OR2A25: variants seen among roughly 807,000 people sequenced by gnomAD.
The protein encoded by OR2A25 is olfactory receptor 2A25.
For synonymous variants in OR2A25, 162 were observed against 148.1 expected (o/e 1.09, Z -0.68); for missense variants, 362 against 368.3 (o/e 0.98, Z 0.14).
rs1206024023 is a variant in OR2A25 at position 144,075,506 on chromosome 7, T to C, written c.*354T>C. The C allele has an allele frequency of 6.0e-6, 1 of 165,548 alleles. No homozygotes were observed. The allele number at this position is 165,548 out of a possible 1,614,324, so 10.3% of individuals were successfully genotyped here. A position where few individuals can be genotyped will look rare whatever the true frequency, so the allele number is the denominator to read the frequency against. ...GGATATGGGAGTTAGGAGAGACTGA[T>C]AACAAAGTCATTATTTAATTATTCT... is the stretch of plus-strand genomic sequence containing the variant. On this transcript the variant is annotated 3_prime_UTR_variant, in exon 2 of 2. Transcript: ENST00000641663.
Position 144,075,207 on chromosome 7 carries a change from G to A in OR2A25, c.*55G>A. Reference sequence around the variant, plus strand: ...TTCAAAGGGCTTTGAGATTACATCTGAACCCATCCCTACTCAGGATACATA... The same window carrying A: ...TTCAAAGGGCTTTGAGATTACATCTAAACCCATCCCTACTCAGGATACATA... On this transcript the variant is annotated 3_prime_UTR_variant, in exon 2 of 2. Transcript: ENST00000641663. 2 of 1,250,330 alleles carry A rather than the reference G, an allele frequency of 1.6e-6. No individual in the cohort carries two copies. Among genetic ancestry groups the A allele is most frequent in the Non-Finnish European group, 2.3e-6 (2 of 882,678 alleles). The allele number at this position is 1,250,330 out of a possible 1,614,324, so 77.5% of individuals were successfully genotyped here. A position where few individuals can be genotyped will look rare whatever the true frequency, so the allele number is the denominator to read the frequency against.
chr7:144,073,976 T>C (rs1378420121), intron 1 of OR2A25, among the ~76,000 whole-genome samples: 1 of 152,136 alleles, frequency 6.6e-6, no homozygotes, highest in East Asian at 1.9e-4. Context: ...GAAAGTAGAT[T>C]TGAAAATAAG....
In OR2A25 at chr7:144,074,951, CTG is replaced by C; in HGVS notation, c.737_738del (p.Val246GlyfsTer14). On this transcript the variant is annotated frameshift_variant, in exon 2 of 2. Coordinates refer to ENST00000641663, the MANE Select transcript of OR2A25 (RefSeq NM_001386096.1). LOFTEE classifies it low-confidence loss of function (END_TRUNC). ...KAFSICSSHL[C>X]VVGLFYGTAI... ...CCTTCTCCATCTGCTCCTCCCACCT[CTG>C]TGTGGTTGGACTCTTTTATGGCACA... is the stretch of plus-strand genomic sequence containing the variant. The C allele has an allele frequency of 6.2e-7, 1 of 1,614,150 alleles. No homozygotes were observed. Among genetic ancestry groups the C allele is most frequent in the Non-Finnish European group, 8.5e-7 (1 of 1,180,018 alleles).
At position 144,075,347 on chromosome 7, in the gene OR2A25, TA is replaced by T; in HGVS notation, c.*200del. 1.9e-6 allele frequency: 1 copy of T among 515,846 alleles called. No homozygotes were observed. The highest frequency in any genetic ancestry group is 1.9e-5 in the African/African-American group (1 of 52,904). 32.0% of individuals were successfully genotyped at this position (515,846 alleles called of 1,614,324 possible). On this transcript the variant is annotated 3_prime_UTR_variant, in exon 2 of 2. Coordinates refer to ENST00000641663, the MANE Select transcript of OR2A25 (RefSeq NM_001386096.1). ...TTGAAGGTCGGAGCTGCACAATTAA[TA>T]AAAATATGTTTATACTAGCTGTATA...
At chr7:144,073,029 CT>C (rs1266559416) in intron 1 of OR2A25, among the ~76,000 whole-genome samples, 1 of 151,976 alleles carries the variant, frequency 6.6e-6, no homozygotes, top group African/African-American at 2.4e-5. Flanking sequence ...TATGTGGGAG[CT>C]AAAAATGTGC....
At chr7:144,072,641 G>A (rs140029131) in intron 1 of OR2A25, among the ~76,000 whole-genome samples, 1 of 152,208 alleles carries the variant, frequency 6.6e-6, no homozygotes, top group East Asian at 1.9e-4. Flanking sequence ...ACTCATGTGT[G>A]TATGTACTGG....
At position 144,075,129 on chromosome 7, in the gene OR2A25, C is replaced by A; in HGVS notation, c.910C>A (p.Leu304Ile). ...KEVQGTLKRMLEKKRTS is the reference protein window; with the variant it reads ...KEVQGTLKRMIEKKRTS ...AGTCCAAGGTACTCTAAAGAGGATG[C>A]TTGAAAAGAAGAGAACTTCATGAAA... Residue 304 changes from leucine (L) to isoleucine (I), a missense_variant, in exon 2 of 2, where the codon CTT becomes ATT. Leu to Ile is a conservative substitution (Grantham distance 5). Transcript: ENST00000641663. 1 of 1,607,912 alleles carries A rather than the reference C, an allele frequency of 6.2e-7. No individual in the cohort carries two copies. The highest frequency in any genetic ancestry group is 8.5e-7 in the Non-Finnish European group (1 of 1,177,758).
At position 144,074,333 on chromosome 7, in the gene OR2A25, G is replaced by T. The variant is rs1586891827; in HGVS notation, c.114G>T (p.Leu38=). ...TCTCCCTGTTCTACATCTTCATTCTGTTGGGGAACGGGACAATCCTGGGGC... is the reference window on the plus strand; with the variant it reads ...TCTCCCTGTTCTACATCTTCATTCTTTTGGGGAACGGGACAATCCTGGGGC... The part of the protein sequence containing the change: ...GLFSLFYIFI[L]LGNGTILGLI... The change falls in exon 2 of 2, where the codon CTG becomes CTT. Residue 38 remains leucine (L), a synonymous_variant. Transcript: ENST00000641663. 2.5e-6 allele frequency: 4 copies of T among 1,613,984 alleles called. No individual in the cohort carries two copies. Among genetic ancestry groups the T allele is most frequent in the Non-Finnish European group, 3.4e-6 (4 of 1,179,934 alleles).
chr7:144,074,203 G>A lies in OR2A25; in HGVS notation c.-4-13G>A. 6.2e-7 allele frequency: 1 copy of A among 1,608,836 alleles called. No homozygotes were observed. Among genetic ancestry groups the A allele is most frequent in the South Asian group, 1.1e-5 (1 of 90,252 alleles). ...GACATTCAGACTTGGTGAGCTCCTT[G>A]TTTCTTCTACAGGGAAATGGGGGGA... On this transcript the variant is annotated splice_polypyrimidine_tract_variant and intron_variant, in intron 1 of 1. Transcript: ENST00000641663.
rs767621608 is a variant in OR2A25, at chr7:144,075,188, G to C, written c.*36G>C. 1 of 1,471,456 alleles carries C rather than the reference G, an allele frequency of 6.8e-7. No homozygotes were observed. Among genetic ancestry groups the C allele is most frequent in the East Asian group, 2.3e-5 (1 of 44,204 alleles). 91.1% of individuals were successfully genotyped at this position (1,471,456 alleles called of 1,614,324 possible). A position where few individuals can be genotyped will look rare whatever the true frequency, so the allele number is the denominator to read the frequency against. On this transcript the variant is annotated 3_prime_UTR_variant, in exon 2 of 2. Coordinates refer to ENST00000641663, the MANE Select transcript of OR2A25 (RefSeq NM_001386096.1). The stretch of plus-strand genomic sequence containing the variant: ...GAATAGTAAAATAGCTGGCTTCAAA[G>C]GGCTTTGAGATTACATCTGAACCCA...
chr7:144,074,720 C>A lies in OR2A25; in HGVS notation c.501C>A (p.Phe167Leu). The change falls in exon 2 of 2, where the codon TTC becomes TTA. Residue 167 changes from phenylalanine to leucine, a missense_variant. Transcript: ENST00000641663. ...VHLVLLLPLS[F>L]CGPQKLNHFF... ...TAGTGTTACTGCTACCACTGTCCTT[C>A]TGTGGACCCCAGAAACTTAATCACT... 1.2e-6 allele frequency: 2 copies of A among 1,614,194 alleles called. No individual in the cohort carries two copies. The highest frequency in any genetic ancestry group is 1.7e-6 in the Non-Finnish European group (2 of 1,180,046).
At chr7:144,071,759 C>T (rs1347858765) in intron 1 of OR2A25, among the ~76,000 whole-genome samples, 1 of 151,978 alleles carries the variant, frequency 6.6e-6, no homozygotes, top group Admixed American at 6.6e-5. Flanking sequence ...TATTGTGTGC[C>T]TTTATTATAT....
chr7:144,074,954 T>G lies in OR2A25; in HGVS notation c.735T>G (p.Cys245Trp), dbSNP rs759275998. Residue 245 changes from cysteine (C) to tryptophan (W), a missense_variant, in exon 2 of 2, where the codon TGT becomes TGG. Coordinates refer to ENST00000641663, the MANE Select transcript of OR2A25 (RefSeq NM_001386096.1). ...TCTCCATCTGCTCCTCCCACCTCTGTGTGGTTGGACTCTTTTATGGCACAG... is the reference window on the plus strand; with the variant it reads ...TCTCCATCTGCTCCTCCCACCTCTGGGTGGTTGGACTCTTTTATGGCACAG... ...KAFSICSSHL[C>W]VVGLFYGTAI... is the part of the protein sequence containing the mutation. 2.9e-5 allele frequency: 47 copies of G among 1,613,998 alleles called. No individual in the cohort carries two copies. In the Admixed American group the frequency reaches 7.8e-4, roughly 27 times the overall value.
At chr7:144,071,561 AT>A (rs79252124) in intron 1 of OR2A25, among the ~76,000 whole-genome samples, 5,330 of 152,112 alleles carry the variant, frequency 0.035, 141 homozygotes, top group Non-Finnish European at 0.05. Context: ...ATTTGTGAGT[AT>A]TTTTAATAGT....
Position 144,072,021 on chromosome 7 carries a change from G to A in OR2A25, c.-5+2125G>A, listed in dbSNP as rs143113028. On this transcript the variant is annotated intron_variant, in intron 1 of 1. Coordinates refer to ENST00000641663, the MANE Select transcript of OR2A25 (RefSeq NM_001386096.1). ...AATAAAATTACTAATTTTCAAGAAGGCAATTTCAATAATGATCAGATTATT... is the reference window on the plus strand; with the variant it reads ...AATAAAATTACTAATTTTCAAGAAGACAATTTCAATAATGATCAGATTATT... 3.0e-4 allele frequency among the ~76,000 whole-genome samples: 46 copies of A among 152,000 alleles called. 1 individual carries two copies. The East Asian group carries it at 8.7e-3, about 29-fold the overall frequency.
chr7:144,074,978 A>C lies in OR2A25; in HGVS notation c.759A>C (p.Thr253=). The change falls in exon 2 of 2, where the codon ACA becomes ACC. Residue 253 remains threonine, a synonymous_variant. Coordinates refer to ENST00000641663, the MANE Select transcript of OR2A25 (RefSeq NM_001386096.1). The stretch of plus-strand genomic sequence containing the variant: ...GTGTGGTTGGACTCTTTTATGGCAC[A>C]GCCATCATCATGTATGTTGAGCCCC... ...HLCVVGLFYG[T]AIIMYVEPQY... is the part of the protein sequence containing the mutation. 1 of 1,614,188 alleles carries C rather than the reference A, an allele frequency of 6.2e-7. No individual in the cohort carries two copies. The highest frequency in any genetic ancestry group is 8.5e-7 in the Non-Finnish European group (1 of 1,180,036).
Position 144,074,841 on chromosome 7 carries a change from G to C in OR2A25, c.622G>C (p.Gly208Arg). Residue 208 changes from glycine to arginine, a missense_variant, in exon 2 of 2, where the codon GGA (glycine) becomes CGA (arginine). Physicochemically the swap from Gly to Arg is moderately radical, Grantham distance 125. Transcript: ENST00000641663. ...VLAGAVSVLV[G>R]AFFSTVISYV... is the part of the protein sequence containing the mutation. Reference sequence around the variant, plus strand: ...GGCAGGGGCAGTGTCTGTGCTGGTGGGAGCCTTCTTTTCCACTGTAATATC... The same window carrying C: ...GGCAGGGGCAGTGTCTGTGCTGGTGCGAGCCTTCTTTTCCACTGTAATATC... 1 of 1,614,122 alleles carries C rather than the reference G, an allele frequency of 6.2e-7. No individual in the cohort carries two copies. Among genetic ancestry groups the C allele is most frequent in the Middle Eastern group, 1.6e-4 (1 of 6,062 alleles).
chr7:144,073,111 A>C (rs1042734831), intron 1 of OR2A25, among the ~76,000 whole-genome samples: 2 of 152,128 alleles, frequency 1.3e-5, no homozygotes, highest in African/African-American at 4.8e-5. Context: ...GAAACAAAAG[A>C]GAAGTTGACT....
At chr7:144,073,518 A>G (rs1316841122) in intron 1 of OR2A25, among the ~76,000 whole-genome samples, 2 of 152,156 alleles carry the variant, frequency 1.3e-5, no homozygotes, top group Non-Finnish European at 2.9e-5. Flanking sequence ...ACAATGAAAT[A>G]TACAATAGAT....
Sources: allele counts gnomAD v4.1 joint callset (sites outside exome capture counted in the v4.1 genomes callset), GRCh38; gene constraint gnomAD v4.1.1; transcripts MANE v1.5; gene names NCBI Gene and HGNC (gene_info 2026-07-23, HGNC 2026-07-21).